The following YTHDC1 variants were observed in gnomAD, a reference collection of about 807,000 sequenced individuals.
YTHDC1 encodes YTH N6-methyladenosine RNA binding protein C1.
A neutral mutation model predicts 107.0 loss-of-function variants in YTHDC1; 12 were observed. The observed-to-expected ratio is 0.11, with a 90% CI of 0.07 to 0.18. YTHDC1 has a LOEUF of 0.18. Among genes scored for constraint, YTHDC1 ranks in the 10% least tolerant of loss-of-function variants. The pLI, the probability that YTHDC1 is intolerant of heterozygous loss-of-function variation, is 1.00. For missense variants in YTHDC1, 635 were observed against 898.8 expected (o/e 0.71, Z 3.75); for synonymous variants, 280 against 289.5 (o/e 0.97, Z 0.33).
chr4:68,316,861 G>A (rs750714455), intron 15 of YTHDC1, among the ~76,000 whole-genome samples: 1 of 152,216 alleles, frequency 6.6e-6, no homozygotes, highest in Non-Finnish European at 1.5e-5. Context: ...TTAAAGTGGT[G>A]AAGCAGGCAT....
At position 68,330,087 on chromosome 4, in the gene YTHDC1, C is replaced by T. The variant is rs778939077; in HGVS notation, c.1264G>A (p.Gly422Arg). 1 of 1,613,456 alleles carries T rather than the reference C, an allele frequency of 6.2e-7. No homozygotes were observed. The highest frequency in any genetic ancestry group is 8.5e-7 in the Non-Finnish European group (1 of 1,179,610). Reference protein sequence around the residue: ...FARLSSESHHGGSPIHWVLPA... With the variant: ...FARLSSESHHRGSPIHWVLPA... ...AGCACCCAGTGTATAGGAGATCCTC[C>T]GTGATGTGATTCTGAAGAAAGTCTT... The change falls in exon 9 of 17, where the codon GGA (glycine) becomes AGA (arginine). Residue 422 changes from glycine to arginine, a missense_variant. Transcript: ENST00000344157.
intron 1 of YTHDC1, among the ~76,000 whole-genome samples, chr4:68,344,902 G>C (rs62316050): frequency 0.1 from 15,605 of 152,032 alleles, 1,116 homozygotes; most frequent in Non-Finnish European, 0.16. Context: ...GGTGTGCACC[G>C]CACCTGTAGT....
chr4:68,335,861 G>GCCTATCTTAACTC (rs1479271829), intron 4 of YTHDC1, among the ~76,000 whole-genome samples: 1 of 151,370 alleles, frequency 6.6e-6, no homozygotes, highest in African/African-American at 2.4e-5. Context: ...CCCTTGAAAA[G>GCCTATCTTAACTC]CCTATCTTAA....
At chr4:68,348,954 T>C (rs1725755654) in intron 1 of YTHDC1, among the ~76,000 whole-genome samples, 1 of 152,222 alleles carries the variant, frequency 6.6e-6, no homozygotes, top group African/African-American at 2.4e-5. Flanking sequence ...CTTGGGAACT[T>C]AGTATTACTA....
In YTHDC1 at chr4:68,330,175, A is replaced by G. The variant is rs1236606743; in HGVS notation, c.1231+27T>C. On this transcript the variant is annotated intron_variant, in intron 8 of 16. Coordinates refer to ENST00000344157, the MANE Select transcript of YTHDC1 (RefSeq NM_001031732.4). ...AGATGCTAATATAATTAATGTTTTT[A>G]TATGTCCAAATTATTTTTATTCTTA... The G allele has an allele frequency of 4.4e-6, 7 of 1,573,626 alleles. No homozygotes were observed. The South Asian group carries it at 6.9e-5, about 15-fold the overall frequency.
At chr4:68,317,889 G>C (rs1722033667) in intron 15 of YTHDC1, among the ~76,000 whole-genome samples, 1 of 152,176 alleles carries the variant, frequency 6.6e-6, no homozygotes, top group South Asian at 2.1e-4. Flanking sequence ...GAATTTTACA[G>C]ATGAGGAAAA....
chr4:68,337,940 G>A, intron 2 of YTHDC1, 40 bp from the exon 3 acceptor site: 4 of 1,568,052 alleles, frequency 2.6e-6, no homozygotes, highest in Non-Finnish European at 3.4e-6. Flanking sequence ...AGAAGTATTT[G>A]TAGTATTCCA....
At position 68,322,942 on chromosome 4, in the gene YTHDC1, A is replaced by G; in HGVS notation, c.1435-27T>C. 1 of 1,607,116 alleles carries G rather than the reference A, an allele frequency of 6.2e-7. No individual in the cohort carries two copies. Among genetic ancestry groups the G allele is most frequent in the Non-Finnish European group, 8.5e-7 (1 of 1,174,924 alleles). ...TAGAATAGGAAAGTAGCAATTTATA[A>G]AACAAAAACAGACCCTTTCAACAGA... On this transcript the variant is annotated intron_variant, in intron 10 of 16. Coordinates refer to ENST00000344157, the MANE Select transcript of YTHDC1 (RefSeq NM_001031732.4). The surrounding 1 kb of genome is among the most constrained non-coding windows in gnomAD (Gnocchi z 4.8).
At chr4:68,317,564 A>C (rs972026920) in intron 15 of YTHDC1, among the ~76,000 whole-genome samples, 2 of 152,202 alleles carry the variant, frequency 1.3e-5, no homozygotes, top group African/African-American at 4.8e-5. Flanking sequence ...CAATATCTTA[A>C]AATATACTCT....
chr4:68,348,795 C>T (rs1421435691), intron 1 of YTHDC1, among the ~76,000 whole-genome samples: 3 of 152,160 alleles, frequency 2.0e-5, no homozygotes, highest in Non-Finnish European at 4.4e-5. Context: ...GTGTGAGACA[C>T]AGAGCAGCGA....
Position 68,332,869 on chromosome 4 carries a change from T to A in YTHDC1, c.974-22A>T, listed in dbSNP as rs774583688. 24 of 1,606,238 alleles carry A rather than the reference T, an allele frequency of 1.5e-5. No individual in the cohort carries two copies. In the East Asian group the frequency reaches 5.1e-4, roughly 34 times the overall value. The stretch of plus-strand genomic sequence containing the variant: ...GAACCTGTATTTAGCCAAAGTACAT[T>A]TGTTCAGATTGAGCTTTAATAGAGA... On this transcript the variant is annotated intron_variant, in intron 5 of 16. Transcript: ENST00000344157.
intron 1 of YTHDC1, 22 bp downstream of exon 1, chr4:68,349,704 C>G (rs1009395606): frequency 6.2e-7 from 1 of 1,609,806 alleles, no homozygotes; most frequent in Non-Finnish European, 8.5e-7. Flanking sequence ...CGCCTCGGCC[C>G]GTCATCTTTC....
At chr4:68,325,096 T>C (rs374007710) in intron 9 of YTHDC1, among the ~76,000 whole-genome samples, 22 of 152,294 alleles carry the variant, frequency 1.4e-4, no homozygotes, top group African/African-American at 5.1e-4. Flanking sequence ...AAATAAACAC[T>C]TTAAAGAACT....
chr4:68,336,398 A>G (rs1724169413), intron 4 of YTHDC1, among the ~76,000 whole-genome samples: 1 of 152,094 alleles, frequency 6.6e-6, no homozygotes, highest in Non-Finnish European at 1.5e-5. Flanking sequence ...ATAGGTATAG[A>G]GAGGCAGGAT....
chr4:68,316,697 T>C (rs1721894282), intron 15 of YTHDC1, among the ~76,000 whole-genome samples: 1 of 152,238 alleles, frequency 6.6e-6, no homozygotes, highest in African/African-American at 2.4e-5. Flanking sequence ...ACTTACATGG[T>C]GCTTACTGTG....
At chr4:68,346,100 T>TATATATATATATATATATAC (rs144743953) in intron 1 of YTHDC1, among the ~76,000 whole-genome samples, 20 of 134,142 alleles carry the variant, frequency 1.5e-4, no homozygotes, top group African/African-American at 5.4e-4. Flanking sequence ...TATATATATA[T>TATATATATATATATATATAC]ACACACACAC....
chr4:68,326,123 A>G (rs753968380), intron 9 of YTHDC1, among the ~76,000 whole-genome samples: 3 of 152,134 alleles, frequency 2.0e-5, no homozygotes, highest in Non-Finnish European at 2.9e-5. Flanking sequence ...AAAATATAAG[A>G]AGGTTATAAA....
At chr4:68,323,129 T>C (rs1005778806) in intron 10 of YTHDC1, among the ~76,000 whole-genome samples, 2 of 152,046 alleles carry the variant, frequency 1.3e-5, no homozygotes, top group African/African-American at 4.8e-5. Context: ...GTAGAATCTC[T>C]GAAGTTAAAT....
At chr4:68,321,429 G>C (rs1722436432) in intron 11 of YTHDC1, among the ~76,000 whole-genome samples, 1 of 152,160 alleles carries the variant, frequency 6.6e-6, no homozygotes, top group African/African-American at 2.4e-5. Flanking sequence ...GATAGTAACA[G>C]TTCATATAGT....
Sources: allele counts gnomAD v4.1 joint callset (sites outside exome capture counted in the v4.1 genomes callset), GRCh38; gene constraint gnomAD v4.1.1; non-coding constraint Gnocchi (gnomAD v3.1); transcripts MANE v1.5; gene names NCBI Gene and HGNC (gene_info 2026-07-23, HGNC 2026-07-21).